ALG10: variants seen among roughly 807,000 people sequenced by gnomAD.
The protein encoded by ALG10 is ALG10 alpha-1,2-glucosyltransferase.
Under a neutral mutation model 39.2 loss-of-function variants are expected in ALG10, and 25 were observed. The ratio of observed to expected loss-of-function variants is 0.64; its 90% CI spans 0.46 to 0.89. ALG10 has a LOEUF of 0.89. Ranked by LOEUF, ALG10 falls within the 40% of genes least tolerant of loss-of-function variation. ALG10 has a pLI of 0.00. For missense variants in ALG10, 486 were observed against 546.6 expected (o/e 0.89, Z 1.11); for synonymous variants, 184 against 193.9 (o/e 0.95, Z 0.42).
At chr12:34,023,226 C>T (rs1942798170) in intron 1 of ALG10, 1 of 171,086 alleles carries the variant, frequency 5.8e-6, no homozygotes, top group South Asian at 1.4e-4. Flanking sequence ...AAATTCCTTC[C>T]CTGGGTATTT....
chr12:34,027,121 CT>C lies in ALG10; in HGVS notation c.*207del, dbSNP rs1942842576. 1 of 473,236 alleles carries C rather than the reference CT, an allele frequency of 2.1e-6. No individual in the cohort carries two copies. Among genetic ancestry groups the C allele is most frequent in the Non-Finnish European group, 3.5e-6 (1 of 285,062 alleles). The allele number at this position is 473,236 out of a possible 1,614,324, so 29.3% of individuals were successfully genotyped here. ...AAAGCTTAAGACCTGCTTCAAAAGC[CT>C]GAAAAATGGAAAAATAAAATTGTTT... On this transcript the variant is annotated 3_prime_UTR_variant, in exon 3 of 3. Coordinates refer to ENST00000266483, the MANE Select transcript of ALG10 (RefSeq NM_032834.4).
In ALG10 at chr12:34,026,381, A is replaced by T. The variant is rs532531658; in HGVS notation, c.888A>T (p.Ser296=). 2.6e-4 allele frequency: 424 copies of T among 1,613,526 alleles called. 4 individuals carry two copies. In the South Asian group the frequency reaches 4.4e-3, roughly 17 times the overall value. The change falls in exon 3 of 3, where the codon TCA becomes TCT. Residue 296 remains serine, a synonymous_variant. Transcript: ENST00000266483. ...TTCCTCAACTATTCTACTTTTTTTCATTTACTCTCTTTTTTTCCTTTCCTC... is the reference window on the plus strand; with the variant it reads ...TTCCTCAACTATTCTACTTTTTTTCTTTTACTCTCTTTTTTTCCTTTCCTC... ...LHFPQLFYFF[S]FTLFFSFPHL...
intron 1 of ALG10, 99 bp downstream of exon 1, chr12:34,022,869 C>G: frequency 6.5e-7 from 1 of 1,527,464 alleles, no homozygotes; most frequent in South Asian, 1.2e-5. Context: ...TGTTCCACCC[C>G]CTCAAGCCTC....
chr12:34,023,737 G>C, intron 1 of ALG10: 1 of 566,574 alleles, frequency 1.8e-6, no homozygotes, highest in Admixed American at 3.0e-5. Context: ...ATTTTAAGTT[G>C]TTGTTGTTTA....
intron 2 of ALG10, 27 bp from the exon 3 acceptor site, chr12:34,025,836 T>G: frequency 1.9e-6 from 3 of 1,612,946 alleles, no homozygotes; most frequent in South Asian, 2.2e-5. Flanking sequence ...TGAAAATAAT[T>G]TTATCTGTGT....
At chr12:34,025,223 A>T (rs1012141565) in intron 2 of ALG10, among the ~76,000 whole-genome samples, 13 of 152,302 alleles carry the variant, frequency 8.5e-5, no homozygotes, top group African/African-American at 1.4e-4. Context: ...GATTAAGTGG[A>T]GTATACAATT....
Position 34,026,231 on chromosome 12 carries a change from C to G in ALG10, c.738C>G (p.Asn246Lys), listed in dbSNP as rs368635314. ...FLLAYSMSFK[N>K]LSMLLLLTWP... ...TGGCTTATTCCATGTCCTTTAAAAA[C>G]TTGAGTATGCTTTTGCTTCTGACTT... The change falls in exon 3 of 3, where the codon AAC (asparagine) becomes AAG (lysine). Residue 246 changes from asparagine to lysine, a missense_variant. Transcript: ENST00000266483. The G allele has an allele frequency of 6.2e-7, 1 of 1,614,024 alleles. No homozygotes were observed. Among genetic ancestry groups the G allele is most frequent in the Non-Finnish European group, 8.5e-7 (1 of 1,179,946 alleles).
Position 34,026,272 on chromosome 12 carries a change from T to C in ALG10, c.779T>C (p.Leu260Pro), listed in dbSNP as rs1238419749. The C allele has an allele frequency of 6.2e-7, 1 of 1,614,140 alleles. No homozygotes were observed. Among genetic ancestry groups the C allele is most frequent in the Non-Finnish European group, 8.5e-7 (1 of 1,179,974 alleles). ...LLLLTWPYIL[L>P]GFLFCAFVVV... ...CTTCTGACTTGGCCCTACATCCTTC[T>C]GGGATTTCTGTTTTGTGCTTTTGTA... Residue 260 changes from leucine (L) to proline (P), a missense_variant, in exon 3 of 3, where the codon CTG (leucine) becomes CCG (proline). Leu to Pro is a moderately conservative substitution (Grantham distance 98, BLOSUM62 -3). Transcript: ENST00000266483.
Position 34,026,893 on chromosome 12 carries a change from A to G in ALG10, c.1400A>G (p.Asp467Gly). The change falls in exon 3 of 3, where the codon GAC (aspartate) becomes GGC (glycine). Residue 467 changes from aspartate (D) to glycine (G), a missense_variant. By Grantham distance (94) the Asp-to-Gly change is moderately conservative. Coordinates refer to ENST00000266483, the MANE Select transcript of ALG10 (RefSeq NM_032834.4). ...NKTFQWPNSQ[D>G]IQRFMW is the part of the protein sequence containing the mutation. ...ACTTTTCAGTGGCCAAATAGTCAGG[A>G]CATTCAAAGGTTTATGTGGTAATAT... The G allele has an allele frequency of 6.2e-7, 1 of 1,613,706 alleles. No individual in the cohort carries two copies. Among genetic ancestry groups the G allele is most frequent in the Non-Finnish European group, 8.5e-7 (1 of 1,179,752 alleles).
At position 34,027,037 on chromosome 12, in the gene ALG10, T is replaced by G; in HGVS notation, c.*122T>G. 1 of 1,019,476 alleles carries G rather than the reference T, an allele frequency of 9.8e-7. No homozygotes were observed. Among genetic ancestry groups the G allele is most frequent in the South Asian group, 2.2e-5 (1 of 46,114 alleles). The allele number at this position is 1,019,476 out of a possible 1,614,324, so 63.2% of individuals were successfully genotyped here. A position where few individuals can be genotyped will look rare whatever the true frequency, so the allele number is the denominator to read the frequency against. On this transcript the variant is annotated 3_prime_UTR_variant, in exon 3 of 3. Coordinates refer to ENST00000266483, the MANE Select transcript of ALG10 (RefSeq NM_032834.4). ...GTGCAGTGGTGGTCTTCAAATTACA[T>G]TAGTTTTTTTTATATATATTTTAAA...
rs2120699885 is a variant in ALG10 at position 34,027,240 on chromosome 12, A to G, written c.*325A>G. ...AGTTTATTAAAACTGGGTATGCTTCATATTACTGGAATGAATTTATTCTCT... is the reference window on the plus strand; with the variant it reads ...AGTTTATTAAAACTGGGTATGCTTCGTATTACTGGAATGAATTTATTCTCT... On this transcript the variant is annotated 3_prime_UTR_variant, in exon 3 of 3. Transcript: ENST00000266483. 5.6e-6 allele frequency: 1 copy of G among 178,058 alleles called. No homozygotes were observed. Among genetic ancestry groups the G allele is most frequent in the Admixed American group, 6.1e-5 (1 of 16,456 alleles). 11.0% of individuals were successfully genotyped at this position (178,058 alleles called of 1,614,324 possible).
intron 1 of ALG10, chr12:34,023,710 T>C: frequency 2.0e-6 from 1 of 507,454 alleles, no homozygotes; most frequent in Non-Finnish European, 3.6e-6. Context: ...AGAACATTTC[T>C]TGGAAAATAG....
chr12:34,024,485 A>G (rs1265405810), intron 2 of ALG10, among the ~76,000 whole-genome samples: 1 of 152,204 alleles, frequency 6.6e-6, no homozygotes, highest in Admixed American at 6.5e-5. Context: ...TGTAAAACGT[A>G]TATATTCATT....
In ALG10 at chr12:34,024,179, A is replaced by G. The variant is rs1565602778; in HGVS notation, c.369+20A>G. 6.2e-7 allele frequency: 1 copy of G among 1,611,942 alleles called. No individual in the cohort carries two copies. Among genetic ancestry groups the G allele is most frequent in the Non-Finnish European group, 8.5e-7 (1 of 1,178,202 alleles). ...AACAAGGTATGTTTCAAAATACTTA[A>G]TTACAAGTTTATGTGTAGTCAGGTC... On this transcript the variant is annotated intron_variant, in intron 2 of 2. Transcript: ENST00000266483.
Position 34,022,507 on chromosome 12 carries a change from G to A in ALG10, c.-93G>A, listed in dbSNP as rs760510977. On this transcript the variant is annotated 5_prime_UTR_variant, in exon 1 of 3. Transcript: ENST00000266483. ...GGCCCCGTCTGGCTAGTCCCGCCTA[G>A]CGCGCCCATTTCGAGCCCAAGTTTC... The A allele has an allele frequency of 1.9e-5, 30 of 1,603,456 alleles. No individual in the cohort carries two copies. Among genetic ancestry groups the A allele is most frequent in the Non-Finnish European group, 2.4e-5 (28 of 1,172,554 alleles).
Position 34,023,952 on chromosome 12 carries a change from C to A in ALG10, c.172-10C>A, listed in dbSNP as rs763430326. 16 of 1,613,846 alleles carry A rather than the reference C, an allele frequency of 9.9e-6. No individual in the cohort carries two copies. In the South Asian group the frequency reaches 1.6e-4, roughly 17 times the overall value. ...CTCTTGCTTTTACTTCATTTTCTTTCATTTTAAAGTGGGATCCCATGATTA... is the reference window on the plus strand; with the variant it reads ...CTCTTGCTTTTACTTCATTTTCTTTAATTTTAAAGTGGGATCCCATGATTA... On this transcript the variant is annotated splice_polypyrimidine_tract_variant and intron_variant, in intron 1 of 2. Transcript: ENST00000266483.
At position 34,026,555 on chromosome 12, in the gene ALG10, T is replaced by C; in HGVS notation, c.1062T>C (p.Tyr354=). The C allele has an allele frequency of 6.2e-7, 1 of 1,613,770 alleles. No homozygotes were observed. The highest frequency in any genetic ancestry group is 2.2e-5 in the East Asian group (1 of 44,836). ...ACTTGCTAGCAGACAATAGACATTATACTTTCTATGTGTGGAAAAGAGTTT... is the reference window on the plus strand; with the variant it reads ...ACTTGCTAGCAGACAATAGACATTACACTTTCTATGTGTGGAAAAGAGTTT... ...HKYLLADNRH[Y]TFYVWKRVFQ... is the part of the protein sequence containing the mutation. Residue 354 remains tyrosine (Y), a synonymous_variant, in exon 3 of 3, where the codon TAT becomes TAC. Transcript: ENST00000266483.
rs1942787922 is a variant in ALG10, at chr12:34,022,524, C to T, written c.-76C>T. 3.7e-6 allele frequency: 6 copies of T among 1,612,294 alleles called. No homozygotes were observed. The highest frequency in any genetic ancestry group is 2.7e-5 in the African/African-American group (2 of 74,872). Reference sequence around the variant, plus strand: ...CCCGCCTAGCGCGCCCATTTCGAGCCCAAGTTTCCAGCTCGGGTTTCCAGG... The same window carrying T: ...CCCGCCTAGCGCGCCCATTTCGAGCTCAAGTTTCCAGCTCGGGTTTCCAGG... On this transcript the variant is annotated 5_prime_UTR_variant, in exon 1 of 3. Coordinates refer to ENST00000266483, the MANE Select transcript of ALG10 (RefSeq NM_032834.4).
chr12:34,022,428 G>C (rs549096252), upstream of ALG10: 1 of 1,043,498 alleles, frequency 9.6e-7, no homozygotes, highest in Non-Finnish European at 1.4e-6. Context: ...GGGAAACAGC[G>C]ACCCGATCTT....
Sources: allele counts gnomAD v4.1 joint callset (sites outside exome capture counted in the v4.1 genomes callset), GRCh38; gene constraint gnomAD v4.1.1; transcripts MANE v1.5; gene names NCBI Gene and HGNC (gene_info 2026-07-23, HGNC 2026-07-21).